The following PTPRJ variants were observed in gnomAD, a reference collection of about 807,000 sequenced individuals.
PTPRJ encodes protein tyrosine phosphatase receptor type J.
Under a neutral mutation model 141.3 loss-of-function variants are expected in PTPRJ, and 129 were observed. That is an observed-to-expected ratio of 0.91 (90% CI 0.79 to 1.06). PTPRJ has a LOEUF of 1.06. Ranked by LOEUF, PTPRJ falls within the 50% of genes least tolerant of loss-of-function variation. The pLI is 0.00. For synonymous variants in PTPRJ, 610 were observed against 640.5 expected (o/e 0.95, Z 0.72); for missense variants, 1,601 against 1,679.7 (o/e 0.95, Z 0.82).
chr11:48,073,670 T>G (rs894651969), intron 1 of PTPRJ, among the ~76,000 whole-genome samples: 2 of 151,672 alleles, frequency 1.3e-5, no homozygotes, highest in African/African-American at 4.8e-5. Context: ...CGGTTTTTCC[T>G]TTAAAAAAAA....
chr11:48,020,076 T>A (rs184976139), intron 1 of PTPRJ, among the ~76,000 whole-genome samples: 2 of 152,220 alleles, frequency 1.3e-5, no homozygotes, highest in Non-Finnish European at 2.9e-5. Context: ...ACGGAACTTA[T>A]AAAATACAAA....
intron 8 of PTPRJ, among the ~76,000 whole-genome samples, chr11:48,135,771 C>G (rs891606928): frequency 2.6e-5 from 4 of 152,174 alleles, no homozygotes; most frequent in Non-Finnish European, 2.9e-5. Flanking sequence ...AGCCATTGCA[C>G]CCAGCCTAAG....
intron 1 of PTPRJ, among the ~76,000 whole-genome samples, chr11:48,065,004 CTTTTTTTTTTTTTTTTTT>C (rs61139660): frequency 8.5e-6 from 1 of 117,194 alleles, no homozygotes; most frequent in African/African-American, 3.8e-5. Flanking sequence ...CCTCAACTAC[CTTTTTTTTTTTTTTTTTT>C]TTTTTTTTTG....
chr11:48,144,877 C>T lies in PTPRJ; in HGVS notation c.2778C>T (p.Gly926=). The T allele has an allele frequency of 1.2e-6, 2 of 1,614,138 alleles. No individual in the cohort carries two copies. Among genetic ancestry groups the T allele is most frequent in the Non-Finnish European group, 1.7e-6 (2 of 1,179,988 alleles). ...GYYNGKLEPL[G]SYRACVAGFT... ...ACAATGGGAAGCTGGAACCTCTGGG[C>T]TCCTACCGGTAATGTCTTCTGGTTC... Residue 926 remains glycine, a synonymous_variant, in exon 13 of 25, where the codon GGC becomes GGT. Coordinates refer to ENST00000418331, the MANE Select transcript of PTPRJ (RefSeq NM_002843.4).
chr11:48,166,199 C>T (rs2134391403), intron 24 of PTPRJ, among the ~76,000 whole-genome samples: 1 of 151,722 alleles, frequency 6.6e-6, no homozygotes, highest in East Asian at 2.0e-4. Context: ...TTCCCCAATC[C>T]TGCTTCCTGG....
intron 9 of PTPRJ, 114 bp downstream of exon 9, chr11:48,136,410 G>A: frequency 7.6e-7 from 1 of 1,313,994 alleles, no homozygotes. Flanking sequence ...CTCTGAAACT[G>A]CTGAAGTTGA....
Position 48,136,174 on chromosome 11 carries a change from C to T in PTPRJ, c.1751C>T (p.Thr584Ile). 1 of 1,614,222 alleles carries T rather than the reference C, an allele frequency of 6.2e-7. No homozygotes were observed. The highest frequency in any genetic ancestry group is 8.5e-7 in the Non-Finnish European group (1 of 1,180,040). Residue 584 changes from threonine to isoleucine, a missense_variant, in exon 9 of 25, where the codon ACA becomes ATA. Coordinates refer to ENST00000418331, the MANE Select transcript of PTPRJ (RefSeq NM_002843.4). The part of the protein sequence containing the change: ...VIESKHGSNH[T>I]STYDKAITLQ... ...GAGTCCAAGCATGGCTCTAACCACA[C>T]AAGCACGTATGACAAAGCGATTACT...
At chr11:48,134,102 T>A (rs764252994) in intron 8 of PTPRJ, among the ~76,000 whole-genome samples, 1 of 152,196 alleles carries the variant, frequency 6.6e-6, no homozygotes, top group Non-Finnish European at 1.5e-5. Context: ...ATGATAAATA[T>A]TATGGTATGT....
chr11:48,096,457 C>T (rs575541056), intron 1 of PTPRJ, among the ~76,000 whole-genome samples: 18 of 152,264 alleles, frequency 1.2e-4, no homozygotes, highest in Non-Finnish European at 2.2e-4. Flanking sequence ...TACAGGGCAT[C>T]GGAGGGAGAC....
chr11:48,144,317 G>T (rs1041401194), intron 12 of PTPRJ, among the ~76,000 whole-genome samples: 15 of 152,226 alleles, frequency 9.9e-5, no homozygotes, highest in African/African-American at 3.6e-4. Context: ...AGACTGACCA[G>T]TGCTGGCCTG....
At chr11:47,998,604 G>T (rs1257901347) in intron 1 of PTPRJ, among the ~76,000 whole-genome samples, 2 of 152,152 alleles carry the variant, frequency 1.3e-5, no homozygotes, top group Non-Finnish European at 1.5e-5. Flanking sequence ...TGCCAAATGG[G>T]GCTAATAAAT....
chr11:48,079,542 T>C (rs7126814), intron 1 of PTPRJ, among the ~76,000 whole-genome samples: 151,414 of 152,102 alleles, frequency 1, 75,373 homozygotes, highest in Middle Eastern at 1. Flanking sequence ...CTGATGAAGC[T>C]GGACAAGACT....
At chr11:48,135,304 A>G (rs947338404) in intron 8 of PTPRJ, among the ~76,000 whole-genome samples, 1 of 149,998 alleles carries the variant, frequency 6.7e-6, no homozygotes, top group African/African-American at 2.5e-5. Flanking sequence ...CCTCCCAAGT[A>G]GCTGGGACTA....
rs1192318815 is a variant in PTPRJ at position 48,125,162 on chromosome 11, C to T, written c.1069C>T (p.Pro357Ser). Residue 357 changes from proline to serine, a missense_variant, in exon 6 of 25, where the codon CCC becomes TCC. Pro to Ser is a moderately conservative substitution (Grantham distance 74). Transcript: ENST00000418331. Reference sequence around the variant, plus strand: ...AGCAGCGAATGGCACAGAAGGACAGCCCCAGGCCATAGAGTTCAGGACAAG... The same window carrying T: ...AGCAGCGAATGGCACAGAAGGACAGTCCCAGGCCATAGAGTTCAGGACAAG... ...SQAANGTEGQ[P>S]QAIEFRTNAI... 6.2e-7 allele frequency: 1 copy of T among 1,614,102 alleles called. No homozygotes were observed. The highest frequency in any genetic ancestry group is 1.1e-5 in the South Asian group (1 of 91,080).
intron 8 of PTPRJ, among the ~76,000 whole-genome samples, 158 bp from the exon 9 acceptor site, chr11:48,135,879 TGA>T (rs1344488386): frequency 6.6e-6 from 1 of 152,136 alleles, no homozygotes; most frequent in Non-Finnish European, 1.5e-5. Context: ...TTGAGAGCAC[TGA>T]GTGTGTGCAT....
chr11:48,023,501 C>T (rs959507884), intron 1 of PTPRJ, among the ~76,000 whole-genome samples: 33 of 151,914 alleles, frequency 2.2e-4, no homozygotes, highest in African/African-American at 3.1e-4. Context: ...GGGAATTTAC[C>T]GGCCGGGTGC....
At chr11:48,053,314 A>G (rs1421758048) in intron 1 of PTPRJ, among the ~76,000 whole-genome samples, 1 of 92,406 alleles carries the variant, frequency 1.1e-5, no homozygotes, top group East Asian at 2.5e-4. Flanking sequence ...ATAAATATAT[A>G]ATATATATTA....
chr11:48,046,730 C>T (rs891651500), intron 1 of PTPRJ, among the ~76,000 whole-genome samples: 1 of 151,792 alleles, frequency 6.6e-6, no homozygotes, highest in Admixed American at 6.6e-5. Flanking sequence ...GTGCTTCCCC[C>T]CTACCCTATG....
chr11:48,089,356 A>C (rs1298448028), intron 1 of PTPRJ, among the ~76,000 whole-genome samples: 1 of 152,078 alleles, frequency 6.6e-6, no homozygotes, highest in African/African-American at 2.4e-5. Flanking sequence ...TCTCAACTAA[A>C]AATACGAAAA....
Sources: gnomAD v4.1 joint callset for allele counts (sites outside exome capture counted in the v4.1 genomes callset) on GRCh38, gnomAD v4.1.1 for gene constraint, MANE v1.5 for transcripts, NCBI Gene and HGNC (gene_info 2026-07-23, HGNC 2026-07-21) for gene names.